Variants in DIAPH3 observed in about 807,000 individuals in gnomAD.
The protein encoded by DIAPH3 is diaphanous related formin 3.
A neutral mutation model predicts 144.3 loss-of-function variants in DIAPH3; 117 were observed. That is an observed-to-expected ratio of 0.81 (90% CI 0.70 to 0.95). The LOEUF (loss-of-function observed/expected upper bound fraction) is 0.95, where lower values mean the gene tolerates loss of function less well. Among genes scored for constraint, DIAPH3 ranks in the 40% least tolerant of loss-of-function variants. The pLI is 0.00. For synonymous variants in DIAPH3, 519 were observed against 488.9 expected (o/e 1.06, Z -0.81); for missense variants, 1,421 against 1,412.7 (o/e 1.01, Z -0.09).
At chr13:59,883,076 C>T (rs1257504027) in intron 20 of DIAPH3, among the ~76,000 whole-genome samples, 1 of 152,052 alleles carries the variant, frequency 6.6e-6, no homozygotes, top group Non-Finnish European at 1.5e-5. Flanking sequence ...GTAAAAAGAC[C>T]TTTAGAAAAA....
intron 1 of DIAPH3, among the ~76,000 whole-genome samples, chr13:60,141,059 C>T (rs910844800): frequency 6.6e-6 from 1 of 152,102 alleles, no homozygotes; most frequent in Non-Finnish European, 1.5e-5. Flanking sequence ...ATCCTTTTGA[C>T]ACAAATTCAA....
intron 17 of DIAPH3, among the ~76,000 whole-genome samples, chr13:59,949,043 A>C (rs2048958345): frequency 6.6e-6 from 1 of 152,186 alleles, no homozygotes; most frequent in Non-Finnish European, 1.5e-5. Flanking sequence ...TAGCTAGAGA[A>C]GGGGTAAAGA....
intron 3 of DIAPH3, among the ~76,000 whole-genome samples, chr13:60,107,729 C>T (rs1446866039): frequency 6.6e-6 from 1 of 152,174 alleles, no homozygotes; most frequent in Non-Finnish European, 1.5e-5. Context: ...AAGAATAGAA[C>T]ATCACTATTC....
chr13:60,100,787 AAG>A (rs1566772197), intron 3 of DIAPH3, among the ~76,000 whole-genome samples: 3 of 152,190 alleles, frequency 2.0e-5, no homozygotes, highest in African/African-American at 4.8e-5. Flanking sequence ...TAAAAAAAAA[AAG>A]AAGTTTTTTT....
intron 22 of DIAPH3, among the ~76,000 whole-genome samples, chr13:59,857,193 T>A (rs962490243): frequency 6.6e-6 from 1 of 152,156 alleles, no homozygotes; most frequent in Non-Finnish European, 1.5e-5. Context: ...GTCTTTTGGT[T>A]ATAGCAGATA....
chr13:60,022,808 C>T (rs2054119150), intron 5 of DIAPH3, among the ~76,000 whole-genome samples: 1 of 152,198 alleles, frequency 6.6e-6, no homozygotes, highest in African/African-American at 2.4e-5. Flanking sequence ...AATTCACCCT[C>T]TATTCCTACT....
chr13:59,971,016 G>A lies in DIAPH3; in HGVS notation c.1795C>T (p.Leu599Phe), dbSNP rs761936305. ...PPPPPPPPPP[L>F]PGMRMPFSGP... ...CTGAATGGCATCCGCATTCCTGGAA[G>A]TGGAGGAGGTGGTGGGGGAGGAGGT... The change falls in exon 16 of 28, where the codon CTT (leucine) becomes TTT (phenylalanine). Residue 599 changes from leucine (L) to phenylalanine (F), a missense_variant. By Grantham distance (22) the Leu-to-Phe change is conservative. Transcript: ENST00000400324. 3.1e-6 allele frequency: 5 copies of A among 1,613,708 alleles called. No individual in the cohort carries two copies. The South Asian group carries it at 5.5e-5, about 18-fold the overall frequency.
At chr13:59,792,866 T>C (rs1336765151) in intron 25 of DIAPH3, among the ~76,000 whole-genome samples, 1 of 152,178 alleles carries the variant, frequency 6.6e-6, no homozygotes, top group Non-Finnish European at 1.5e-5. Flanking sequence ...CTCCAGATGC[T>C]GAGTAGTGCC....
At chr13:60,094,616 C>T (rs9592015) in intron 3 of DIAPH3, among the ~76,000 whole-genome samples, 37,737 of 151,996 alleles carry the variant, frequency 0.25, 5,509 homozygotes, top group Admixed American at 0.38. Flanking sequence ...ATATAAACTT[C>T]GTATCTACTC....
At chr13:59,895,178 A>G (rs1818233565) in intron 20 of DIAPH3, among the ~76,000 whole-genome samples, 1 of 152,158 alleles carries the variant, frequency 6.6e-6, no homozygotes, top group African/African-American at 2.4e-5. Context: ...AATTTGAACA[A>G]ATTCCTAGAT....
intron 23 of DIAPH3, 33 bp downstream of exon 23, chr13:59,839,291 G>T (rs1388452320): frequency 6.2e-7 from 1 of 1,610,546 alleles, no homozygotes; most frequent in Non-Finnish European, 8.5e-7. Flanking sequence ...TAGTTGACTA[G>T]TGACTTAAGT....
rs78187362 is a variant in DIAPH3, at chr13:59,812,537, C to T, written c.3028-1614G>A. Among the ~76,000 whole-genome samples the T allele has an allele frequency of 4.0e-3, 604 of 152,102 alleles. 3 individuals carry two copies. The highest frequency in any genetic ancestry group is 0.014 in the African/African-American group (580 of 41,482). On this transcript the variant is annotated intron_variant, in intron 24 of 27. Transcript: ENST00000400324. ...AAATAACAACAACAAAATAAGAGTG[C>T]CGTGATAGCATTCCTGAGGGGTTAC...
intron 4 of DIAPH3, among the ~76,000 whole-genome samples, chr13:60,049,368 C>T (rs1310479672): frequency 2.0e-5 from 3 of 152,152 alleles, no homozygotes; most frequent in Admixed American, 6.6e-5. Context: ...AGACTAAATC[C>T]ACTAGCTAAC....
At chr13:60,115,690 A>G (rs2058684999) in intron 2 of DIAPH3, among the ~76,000 whole-genome samples, 1 of 152,140 alleles carries the variant, frequency 6.6e-6, no homozygotes, top group African/African-American at 2.4e-5. Flanking sequence ...TTTTTATAAT[A>G]GATTTGTAAA....
intron 27 of DIAPH3, among the ~76,000 whole-genome samples, chr13:59,673,312 A>C (rs1012387287): frequency 9.2e-5 from 14 of 152,190 alleles, no homozygotes; most frequent in African/African-American, 3.4e-4. Flanking sequence ...TCTCTATTGA[A>C]ATTGCTCCTT....
intron 17 of DIAPH3, among the ~76,000 whole-genome samples, chr13:59,958,509 T>A (rs1479640027): frequency 6.6e-6 from 1 of 152,144 alleles, no homozygotes; most frequent in Non-Finnish European, 1.5e-5. Context: ...CTTTCAATCT[T>A]AAATAGTAGT....
chr13:59,971,138 C>A lies in DIAPH3; in HGVS notation c.1673G>T (p.Cys558Phe), dbSNP rs548373208. The change falls in exon 16 of 28, where the codon TGT becomes TTT. Residue 558 changes from cysteine (C) to phenylalanine (F), a missense_variant. By Grantham distance (205) the Cys-to-Phe change is radical (BLOSUM62 -2). Coordinates refer to ENST00000400324, the MANE Select transcript of DIAPH3 (RefSeq NM_001042517.2). ...KSQFGALPAD[C>F]NIPLPPSKEG... The stretch of plus-strand genomic sequence containing the variant: ...TTTAGAGGGAGGCAAAGGAATATTA[C>A]AATCAGCTGGCAAGGCACCAAACTG... The A allele has an allele frequency of 3.8e-6, 6 of 1,589,552 alleles. No homozygotes were observed. The highest frequency in any genetic ancestry group is 1.3e-5 in the African/African-American group (1 of 74,690).
intron 20 of DIAPH3, among the ~76,000 whole-genome samples, chr13:59,898,340 T>G (rs1168408184): frequency 6.6e-6 from 1 of 151,918 alleles, no homozygotes. Context: ...AGTAAGAAAC[T>G]CATACAACGT....
chr13:59,805,745 T>C (rs1028694672), intron 25 of DIAPH3, among the ~76,000 whole-genome samples: 17 of 152,064 alleles, frequency 1.1e-4, no homozygotes, highest in Non-Finnish European at 1.5e-4. Flanking sequence ...AACATGAAAA[T>C]AGGAGACTGC....
Sources: gnomAD v4.1 joint callset for allele counts (sites outside exome capture counted in the v4.1 genomes callset) on GRCh38, gnomAD v4.1.1 for gene constraint, MANE v1.5 for transcripts, NCBI Gene and HGNC (gene_info 2026-07-23, HGNC 2026-07-21) for gene names.